CLIP4: variants seen among roughly 807,000 people sequenced by gnomAD.
CLIP4 encodes the protein CAP-Gly domain-containing linker protein 4.
A neutral mutation model predicts 73.1 loss-of-function variants in CLIP4; 47 were observed. That is an observed-to-expected ratio of 0.64 (90% CI 0.51 to 0.82). The LOEUF (loss-of-function observed/expected upper bound fraction) is 0.82. Among genes scored for constraint, CLIP4 ranks in the 40% least tolerant of loss-of-function variants. The probability of loss-of-function intolerance (pLI) is 0.00; values close to 1 mark genes in which losing one functional copy is unlikely to be tolerated. For synonymous variants in CLIP4, 306 were observed against 295.4 expected, an observed-to-expected ratio of 1.04 and a Z score of -0.37; for missense variants, 874 against 852.9, an observed-to-expected ratio of 1.02 and a Z score of -0.31.
intron 2 of CLIP4, among the ~76,000 whole-genome samples, chr2:29,127,331 T>A (rs1664670285): frequency 6.6e-6 from 1 of 152,050 alleles, no homozygotes; most frequent in African/African-American, 2.4e-5. Flanking sequence ...AAACAAACTT[T>A]CATTGAACTT....
chr2:29,114,493 G>T (rs969398981), upstream of CLIP4, among the ~76,000 whole-genome samples: 5 of 152,222 alleles, frequency 3.3e-5, no homozygotes, highest in Non-Finnish European at 5.9e-5. Context: ...GCTGATCAAA[G>T]ATTAAATGGC....
chr2:29,120,976 G>C (rs1664211086), intron 1 of CLIP4, among the ~76,000 whole-genome samples: 1 of 152,172 alleles, frequency 6.6e-6, no homozygotes, highest in African/African-American at 2.4e-5. Context: ...CATGGCATGA[G>C]CTATTGGATG....
At chr2:29,165,325 T>C (rs2148068510) in intron 13 of CLIP4, among the ~76,000 whole-genome samples, 2 of 152,306 alleles carry the variant, frequency 1.3e-5, no homozygotes, top group South Asian at 4.1e-4. Context: ...ATAGTGCTTA[T>C]ACATGCTGGG....
At chr2:29,111,076 C>T (rs1181876300), upstream of CLIP4, among the ~76,000 whole-genome samples, 1 of 152,180 alleles carries the variant, frequency 6.6e-6, no homozygotes, top group Non-Finnish European at 1.5e-5. Flanking sequence ...TATAGAACCA[C>T]TGTAAGGGTT....
chr2:29,155,502 C>G (rs556273403), intron 9 of CLIP4, among the ~76,000 whole-genome samples: 23 of 152,222 alleles, frequency 1.5e-4, no homozygotes, highest in African/African-American at 5.1e-4. Context: ...ACATATTATA[C>G]TTATTATACC....
At chr2:29,133,174 C>G (rs1207126973) in intron 4 of CLIP4, among the ~76,000 whole-genome samples, 1 of 152,022 alleles carries the variant, frequency 6.6e-6, no homozygotes, top group African/African-American at 2.4e-5. Flanking sequence ...GGTGACAGAG[C>G]AAGACTGTCT....
At chr2:29,108,510 G>A (rs1487775714) in intron 1 of CLIP4, among the ~76,000 whole-genome samples, 1 of 152,116 alleles carries the variant, frequency 6.6e-6, no homozygotes, top group Non-Finnish European at 1.5e-5. Context: ...TTTACTTCTG[G>A]AATTTTCCAC....
chr2:29,169,735 C>G (rs1667882044), intron 14 of CLIP4, among the ~76,000 whole-genome samples: 2 of 152,070 alleles, frequency 1.3e-5, no homozygotes, highest in African/African-American at 2.4e-5. Context: ...AAACATCGAT[C>G]TTTTCTTTGT....
intron 1 of CLIP4, among the ~76,000 whole-genome samples, chr2:29,103,594 T>G (rs1359213388): frequency 6.6e-6 from 1 of 152,116 alleles, no homozygotes; most frequent in African/African-American, 2.4e-5. Flanking sequence ...TTTGAGAGGT[T>G]ATTTTATTTA....
At chr2:29,116,191 G>A (rs772380648) in intron 1 of CLIP4, among the ~76,000 whole-genome samples, 1 of 152,206 alleles carries the variant, frequency 6.6e-6, no homozygotes, top group African/African-American at 2.4e-5. Context: ...CCGCACCTGG[G>A]AGGGGAAGTT....
At chr2:29,113,588 C>A (rs1022429232), upstream of CLIP4, among the ~76,000 whole-genome samples, 17 of 152,176 alleles carry the variant, frequency 1.1e-4, no homozygotes, top group African/African-American at 4.1e-4. The surrounding 1 kb of genome is among the most constrained non-coding windows in gnomAD (Gnocchi z 4.0). Context: ...GCTTGGTATC[C>A]TGGGAATTTG....
At position 29,182,003 on chromosome 2, in the gene CLIP4, T is replaced by C. The variant is rs1211403791; in HGVS notation, c.*110T>C. 3.4e-6 allele frequency: 3 copies of C among 890,188 alleles called. No homozygotes were observed. Among genetic ancestry groups the C allele is most frequent in the African/African-American group, 3.4e-5 (2 of 58,982 alleles). The allele number at this position is 890,188 out of a possible 1,614,324, so 55.1% of individuals were successfully genotyped here. ...TATTAAAATTTTGAAAATATAGTTA[T>C]CTTCTTAAAAACCATTATAACAATT... On this transcript the variant is annotated 3_prime_UTR_variant, in exon 16 of 16. Transcript: ENST00000320081.
At chr2:29,119,331 G>A (rs2166594) in intron 1 of CLIP4, among the ~76,000 whole-genome samples, 126,877 of 152,188 alleles carry the variant, frequency 0.83, 53,164 homozygotes, top group East Asian at 0.99. Flanking sequence ...GATAGAGTTC[G>A]TATCTTTGAG....
At position 29,152,797 on chromosome 2, in the gene CLIP4, C is replaced by A; in HGVS notation, c.1134C>A (p.Asp378Glu). 1 of 1,613,694 alleles carries A rather than the reference C, an allele frequency of 6.2e-7. No individual in the cohort carries two copies. Among genetic ancestry groups the A allele is most frequent in the Non-Finnish European group, 8.5e-7 (1 of 1,179,766 alleles). ...AVPLIRSQKI[D>E]VAHVTSKVNT... ...CTCTCATCAGGTCCCAGAAAATTGA[C>A]GTAGCTCATGTGACGTCAAAAGTAA... The change falls in exon 9 of 16, where the codon GAC (aspartate) becomes GAA (glutamate). Residue 378 changes from aspartate to glutamate, a missense_variant. Transcript: ENST00000320081.
chr2:29,122,032 C>T (rs950815870), intron 2 of CLIP4, among the ~76,000 whole-genome samples: 1 of 152,080 alleles, frequency 6.6e-6, no homozygotes, highest in African/African-American at 2.4e-5. Flanking sequence ...AAAAGGGAAC[C>T]AGGAGATAAA....
intron 2 of CLIP4, among the ~76,000 whole-genome samples, chr2:29,128,143 A>G (rs34968054): frequency 6.6e-6 from 1 of 151,792 alleles, no homozygotes; most frequent in Non-Finnish European, 1.5e-5. Flanking sequence ...CATTTATTTG[A>G]CAATGCTTCC....
intron 1 of CLIP4, among the ~76,000 whole-genome samples, chr2:29,106,815 A>G (rs1417258402): frequency 6.6e-6 from 1 of 152,172 alleles, no homozygotes; most frequent in Non-Finnish European, 1.5e-5. Flanking sequence ...GATGATCTTG[A>G]TGATAAAGAT....
At chr2:29,147,354 T>C (rs924932339) in intron 8 of CLIP4, among the ~76,000 whole-genome samples, 1 of 152,160 alleles carries the variant, frequency 6.6e-6, no homozygotes, top group African/African-American at 2.4e-5. Flanking sequence ...TACATACTTA[T>C]GATATTAAGC....
chr2:29,150,775 G>A (rs1666509826), intron 8 of CLIP4, among the ~76,000 whole-genome samples: 2 of 149,512 alleles, frequency 1.3e-5, no homozygotes, highest in South Asian at 2.1e-4. Flanking sequence ...ACGCACCACC[G>A]TGCCTGGCTA....
Sources: gnomAD v4.1 joint callset for allele counts (sites outside exome capture counted in the v4.1 genomes callset) on GRCh38, gnomAD v4.1.1 for gene constraint, Gnocchi (gnomAD v3.1) non-coding constraint, MANE v1.5 for transcripts, NCBI Gene and HGNC (gene_info 2026-07-23, HGNC 2026-07-21) for gene names.